Variants in C19orf38 observed in about 807,000 individuals in gnomAD.
C19orf38 encodes the protein chromosome 19 open reading frame 38, also known as protein HIDE1.
A neutral mutation model predicts 26.6 loss-of-function variants in C19orf38; 14 were observed. The ratio of observed to expected loss-of-function variants is 0.53; its 90% CI spans 0.35 to 0.82. The LOEUF is 0.82. Ranked by LOEUF, C19orf38 falls within the 40% of genes least tolerant of loss-of-function variation. The pLI is 0.01. For synonymous variants in C19orf38, 132 were observed against 128.5 expected (o/e 1.03, Z -0.18); for missense variants, 261 against 299.5 (o/e 0.87, Z 0.95).
intron 5 of C19orf38, among the ~76,000 whole-genome samples, chr19:10,861,532 C>G (rs1408992141): frequency 6.6e-6 from 1 of 152,156 alleles, no homozygotes; most frequent in Non-Finnish European, 1.5e-5. Flanking sequence ...CGTGATGGCA[C>G]CAGACTGTGT....
At chr19:10,849,873 TG>T (rs148125334) in intron 1 of C19orf38, among the ~76,000 whole-genome samples, 5,969 of 151,992 alleles carry the variant, frequency 0.039, 460 homozygotes, top group East Asian at 0.36. Context: ...GAGACCAGTC[TG>T]GCCAATATAG....
At chr19:10,843,606 T>C (rs1453642459), upstream of C19orf38, among the ~76,000 whole-genome samples, 4 of 141,036 alleles carry the variant, frequency 2.8e-5, no homozygotes, top group Admixed American at 3.0e-4. Flanking sequence ...CAGTACTCAG[T>C]TGGTGGAAAA....
At position 10,848,629 on chromosome 19, in the gene C19orf38, G is replaced by T. The variant is rs1881447626; in HGVS notation, c.31+90G>T. 4 of 1,303,470 alleles carry T rather than the reference G, an allele frequency of 3.1e-6. No individual in the cohort carries two copies. The Admixed American group carries it at 8.1e-5, about 26-fold the overall frequency. 80.7% of individuals were successfully genotyped at this position (1,303,470 alleles called of 1,614,324 possible). A position where few individuals can be genotyped will look rare whatever the true frequency, so the allele number is the denominator to read the frequency against. ...GCTCCAGGGGCAGAAACCAGTGCAG[G>T]GGCTGCCGTTCTCAGGGCATCGAGG... On this transcript the variant is annotated intron_variant, in intron 1 of 6. Coordinates refer to ENST00000397820, the MANE Select transcript of C19orf38 (RefSeq NM_001136482.3).
intron 3 of C19orf38, 87 bp from the exon 4 acceptor site, chr19:10,858,226 TAAA>T (rs371026775): frequency 8.7e-3 from 2,786 of 319,118 alleles, no homozygotes; most frequent in East Asian, 0.013. Flanking sequence ...AGACTCTGTC[TAAA>T]AAAAAAAAAA....
At chr19:10,857,367 T>TATATATATTA (rs1491341895) in intron 3 of C19orf38, among the ~76,000 whole-genome samples, 2 of 43,364 alleles carry the variant, frequency 4.6e-5, no homozygotes, top group African/African-American at 4.8e-4. Flanking sequence ...TATATATATA[T>TATATATATTA]TTTTTTTTTT....
chr19:10,839,731 C>CTTTTTTTTTTT, intron 1 of C19orf38, among the ~76,000 whole-genome samples: 1 of 132,424 alleles, frequency 7.6e-6, no homozygotes, highest in Non-Finnish European at 1.6e-5. Flanking sequence ...TTCTTTTGTT[C>CTTTTTTTTTTT]TTTTTTTTTT....
chr19:10,856,666 G>A (rs757470142), intron 3 of C19orf38, among the ~76,000 whole-genome samples: 13 of 151,866 alleles, frequency 8.6e-5, no homozygotes, highest in South Asian at 8.3e-4. Context: ...ACCATGCCTC[G>A]CCAATATTTG....
rs574601210 is a variant in C19orf38 at position 10,863,205 on chromosome 19, G to A, written c.541G>A (p.Ala181Thr). ...SFDNSLFTVS[A>T]KTMPEEDPAT... ...CGATAACTCCCTGTTTACCGTCTCC[G>A]CGGTGAGTGGTTCTTTTTCTTGGAA... Residue 181 changes from alanine (A) to threonine (T), a missense_variant and splice_region_variant, in exon 6 of 7, where the codon GCG becomes ACG. Transcript: ENST00000397820. 3.3e-5 allele frequency: 51 copies of A among 1,551,248 alleles called. No homozygotes were observed. The Middle Eastern group carries it at 1.3e-3, about 41-fold the overall frequency.
intron 6 of C19orf38, among the ~76,000 whole-genome samples, chr19:10,864,901 TCTA>T (rs2073737210): frequency 6.6e-6 from 1 of 150,408 alleles, no homozygotes; most frequent in African/African-American, 2.5e-5. Flanking sequence ...GAGAGGGGAG[TCTA>T]CAGTTCAGGA....
At chr19:10,856,007 CTT>C (rs1420205009) in intron 2 of C19orf38, among the ~76,000 whole-genome samples, 1 of 152,162 alleles carries the variant, frequency 6.6e-6, no homozygotes, top group Non-Finnish European at 1.5e-5. Flanking sequence ...GAGTAAACCT[CTT>C]TTCCCAGTGG....
intron 2 of C19orf38, among the ~76,000 whole-genome samples, chr19:10,853,309 A>G (rs909457857): frequency 4.6e-5 from 7 of 151,622 alleles, no homozygotes; most frequent in Admixed American, 6.6e-5. Context: ...GCTCACTGCA[A>G]TCTCTACCTC....
intron 2 of C19orf38, among the ~76,000 whole-genome samples, chr19:10,850,831 C>G (rs775101921): frequency 1.3e-5 from 2 of 152,180 alleles, no homozygotes; most frequent in Non-Finnish European, 2.9e-5. Flanking sequence ...TGCCCCATCT[C>G]TGCTCCACAT....
At chr19:10,864,709 G>T (rs1241915580) in intron 6 of C19orf38, among the ~76,000 whole-genome samples, 1 of 152,180 alleles carries the variant, frequency 6.6e-6, no homozygotes, top group African/African-American at 2.4e-5. Context: ...GGTCCAAAAT[G>T]TTGGCAGTGG....
At chr19:10,863,298 G>A (rs2073721488) in intron 6 of C19orf38, 91 bp downstream of exon 6, 2 of 1,392,592 alleles carry the variant, frequency 1.4e-6, no homozygotes, top group South Asian at 2.5e-5. Flanking sequence ...AGGCTAAGTT[G>A]ACCTGCTGTC....
Position 10,859,244 on chromosome 19 carries a change from ATGTGTGTG to A in C19orf38, c.462-643_462-636del, listed in dbSNP as rs35791729. On this transcript the variant is annotated intron_variant, in intron 4 of 6. Transcript: ENST00000397820. ...CAGCCACCGTGCCTGGCTTTTATAT[ATGTGTGTG>A]TGTGTGTGTGTGTGTGTGTGTGTGT... is the stretch of plus-strand genomic sequence containing the variant. 2.7e-3 allele frequency among the ~76,000 whole-genome samples: 328 copies of A among 119,426 alleles called. 2 individuals are homozygous for A. Among genetic ancestry groups the A allele is most frequent in the African/African-American group, 8.8e-3 (276 of 31,236 alleles). 78.3% of individuals were successfully genotyped at this position (119,426 alleles called of 152,430 possible).
upstream of C19orf38, among the ~76,000 whole-genome samples, chr19:10,844,449 G>A (rs142800699): frequency 6.6e-6 from 1 of 150,704 alleles, no homozygotes; most frequent in African/African-American, 2.4e-5. Flanking sequence ...GGTGGCTCAC[G>A]CCTGTAACCC....
upstream of C19orf38, among the ~76,000 whole-genome samples, chr19:10,847,609 T>A (rs2073529112): frequency 6.6e-6 from 1 of 151,974 alleles, no homozygotes; most frequent in African/African-American, 2.4e-5. Context: ...CCTCAGGTGA[T>A]CTGCCCACCT....
At chr19:10,844,391 A>C, upstream of C19orf38, among the ~76,000 whole-genome samples, 1 of 143,890 alleles carries the variant, frequency 6.9e-6, no homozygotes, top group Non-Finnish European at 1.5e-5. Context: ...TAACAGAGTG[A>C]GACTCCGTCT....
intron 5 of C19orf38, among the ~76,000 whole-genome samples, chr19:10,862,918 T>C (rs2073715930): frequency 6.6e-6 from 1 of 150,998 alleles, no homozygotes; most frequent in Non-Finnish European, 1.5e-5. Flanking sequence ...CTGGAAGGCC[T>C]GAGATAAGAC....
Sources: gnomAD v4.1 joint callset for allele counts (sites outside exome capture counted in the v4.1 genomes callset) on GRCh38, gnomAD v4.1.1 for gene constraint, MANE v1.5 for transcripts, NCBI Gene and HGNC (gene_info 2026-07-23, HGNC 2026-07-21) for gene names.